The following IL34 variants were observed in gnomAD, a reference collection of about 807,000 sequenced individuals.
IL34 encodes the protein interleukin 34, also known as interleukin-34.
A neutral mutation model predicts 25.3 loss-of-function variants in IL34; 17 were observed. The ratio of observed to expected loss-of-function variants is 0.67; its 90% CI spans 0.46 to 1.01. The LOEUF (loss-of-function observed/expected upper bound fraction) is 1.01, where lower values mean the gene tolerates loss of function less well. IL34 is among the 50% of genes least tolerant of loss of function. The pLI is 0.00. For missense variants in IL34, 368 were observed against 312.9 expected (o/e 1.18, Z -1.33); for synonymous variants, 174 against 140.9 (o/e 1.23, Z -1.66).
intron 1 of IL34, among the ~76,000 whole-genome samples, chr16:70,627,734 G>A (rs1034346169): frequency 6.6e-6 from 1 of 152,150 alleles, no homozygotes; most frequent in Non-Finnish European, 1.5e-5. Flanking sequence ...ATCCCAAAGT[G>A]GTGGGGTTGC....
At chr16:70,638,100 GA>G in intron 1 of IL34, among the ~76,000 whole-genome samples, 1 of 152,270 alleles carries the variant, frequency 6.6e-6, no homozygotes, top group East Asian at 1.9e-4. Flanking sequence ...GTAAAAAGTG[GA>G]CCCATGCACT....
At chr16:70,636,812 TGAA>T (rs1040626209) in intron 1 of IL34, among the ~76,000 whole-genome samples, 73 of 151,450 alleles carry the variant, frequency 4.8e-4, no homozygotes, top group African/African-American at 1.0e-3. Context: ...CAAAACAGAA[TGAA>T]GAAGAATACT....
chr16:70,600,338 T>G (rs979340393), intron 1 of IL34, among the ~76,000 whole-genome samples: 11 of 152,226 alleles, frequency 7.2e-5, no homozygotes, highest in Non-Finnish European at 1.5e-4. Context: ...TGAACTGTTT[T>G]GTAGATGTTC....
chr16:70,613,725 T>A (rs1483690921), intron 1 of IL34, among the ~76,000 whole-genome samples: 1 of 151,772 alleles, frequency 6.6e-6, no homozygotes, highest in Non-Finnish European at 1.5e-5. Context: ...AATACAAAAA[T>A]TAGCCAGGCA....
At chr16:70,656,743 CAG>C (rs1048387200) in intron 3 of IL34, 64 bp downstream of exon 3, 1 of 976,948 alleles carries the variant, frequency 1.0e-6, no homozygotes, top group Non-Finnish European at 1.7e-6. Flanking sequence ...GCCCCAGCCT[CAG>C]AGGCGCGCTG....
chr16:70,584,855 C>T (rs1391947695), intron 1 of IL34, among the ~76,000 whole-genome samples: 1 of 152,056 alleles, frequency 6.6e-6, no homozygotes, highest in Non-Finnish European at 1.5e-5. Context: ...CTCCTGCCAC[C>T]ACGCCCGGCT....
chr16:70,656,514 CTG>C lies in IL34; in HGVS notation c.163-86_163-85del, dbSNP rs956873060. 11 of 825,048 alleles carry C rather than the reference CTG, an allele frequency of 1.3e-5. No individual in the cohort carries two copies. The African/African-American group carries it at 1.7e-4, about 12-fold the overall frequency. The allele number at this position is 825,048 out of a possible 1,614,324, so 51.1% of individuals were successfully genotyped here. A position where few individuals can be genotyped will look rare whatever the true frequency, so the allele number is the denominator to read the frequency against. On this transcript the variant is annotated intron_variant, in intron 2 of 5. Transcript: ENST00000288098. ...ATACTGGGTGACAGAGTGAGACTAA[CTG>C]TTAAAAAAAACATCATTTGGGAGGT...
At chr16:70,589,907 G>C (rs1217881576) in intron 1 of IL34, among the ~76,000 whole-genome samples, 1 of 152,204 alleles carries the variant, frequency 6.6e-6, no homozygotes, top group Admixed American at 6.5e-5. Context: ...ACAGGCGTGA[G>C]CCACTGCACC....
chr16:70,599,319 TTCTTTCTTTCTC>T (rs756361808), intron 1 of IL34, among the ~76,000 whole-genome samples: 96 of 111,146 alleles, frequency 8.6e-4, no homozygotes, highest in East Asian at 4.1e-3. Flanking sequence ...TTTCTTTCTT[TTCTTTCTTTCTC>T]TCTTTCTTTC....
chr16:70,591,719 C>G (rs2050757014), intron 1 of IL34, among the ~76,000 whole-genome samples: 2 of 152,180 alleles, frequency 1.3e-5, no homozygotes, highest in South Asian at 2.1e-4. Context: ...GGCACCATCT[C>G]CCCGGATTCT....
intron 1 of IL34, among the ~76,000 whole-genome samples, chr16:70,602,263 T>A (rs1020425846): frequency 5.3e-5 from 8 of 152,208 alleles, no homozygotes; most frequent in African/African-American, 1.9e-4. Flanking sequence ...ATTGCTGGGA[T>A]GTAGAGTGAC....
intron 1 of IL34, among the ~76,000 whole-genome samples, chr16:70,652,141 A>G (rs1450461734): frequency 6.6e-6 from 1 of 150,690 alleles, no homozygotes; most frequent in East Asian, 2.0e-4. Context: ...AAAAAAATAA[A>G]TAAAAATAAA....
chr16:70,583,694 C>T (rs528051400), intron 1 of IL34, among the ~76,000 whole-genome samples: 1 of 152,168 alleles, frequency 6.6e-6, no homozygotes, highest in South Asian at 2.1e-4. Flanking sequence ...ACTCTGTCAC[C>T]CAGGCTGGAG....
intron 1 of IL34, among the ~76,000 whole-genome samples, chr16:70,611,778 A>G (rs1286029592): frequency 6.6e-6 from 1 of 152,000 alleles, no homozygotes; most frequent in East Asian, 1.9e-4. Flanking sequence ...CAAGAGGCAG[A>G]GGTTGCAGTG....
intron 4 of IL34, among the ~76,000 whole-genome samples, chr16:70,657,853 A>C (rs1316567009): frequency 6.6e-6 from 1 of 152,180 alleles, no homozygotes; most frequent in Non-Finnish European, 1.5e-5. Context: ...GTCACAACCC[A>C]CAGAACTGTA....
At chr16:70,610,623 G>T (rs528271326) in intron 1 of IL34, among the ~76,000 whole-genome samples, 3 of 152,354 alleles carry the variant, frequency 2.0e-5, no homozygotes, top group African/African-American at 7.2e-5. Flanking sequence ...AGTGCTGTGT[G>T]GAAAGTGCCG....
chr16:70,649,861 C>T (rs571536138), intron 1 of IL34, among the ~76,000 whole-genome samples: 113 of 152,094 alleles, frequency 7.4e-4, no homozygotes, highest in Non-Finnish European at 1.3e-3. Flanking sequence ...TGCTGCGGCA[C>T]GATCTCAGCT....
chr16:70,603,311 C>T (rs1362344655), intron 1 of IL34, among the ~76,000 whole-genome samples: 1 of 152,080 alleles, frequency 6.6e-6, no homozygotes, highest in Non-Finnish European at 1.5e-5. Flanking sequence ...TGGAGTTTCG[C>T]TCTTGTTGCC....
intron 1 of IL34, among the ~76,000 whole-genome samples, chr16:70,618,348 A>T (rs1482162993): frequency 6.6e-6 from 1 of 152,042 alleles, no homozygotes; most frequent in Non-Finnish European, 1.5e-5. Flanking sequence ...ATCAGGAATA[A>T]TGTGGGAGGC....
Sources: gnomAD v4.1 joint callset for allele counts (sites outside exome capture counted in the v4.1 genomes callset) on GRCh38, gnomAD v4.1.1 for gene constraint, MANE v1.5 for transcripts, NCBI Gene and HGNC (gene_info 2026-07-23, HGNC 2026-07-21) for gene names.